The following CDKN2AIPNL variants were observed in gnomAD, a reference collection of about 807,000 sequenced individuals.
The protein encoded by CDKN2AIPNL is XRN2 binding domain containing 1.
In CDKN2AIPNL, 9 loss-of-function variants were observed where a neutral mutation model predicts 12.9. That is an observed-to-expected ratio of 0.70 (90% CI 0.42 to 1.22). The LOEUF is 1.22. CDKN2AIPNL is among the 50% of genes most tolerant of loss of function. The pLI is 0.00. For synonymous variants in CDKN2AIPNL, 53 were observed against 61.7 expected (o/e 0.86, Z 0.66); for missense variants, 143 against 153.6 (o/e 0.93, Z 0.37).
In CDKN2AIPNL at chr5:134,402,094, TTATTA is replaced by T. The variant is rs1194762987; in HGVS notation, c.*816_*820del. 1 of 151,784 alleles carries T rather than the reference TTATTA, an allele frequency of 6.6e-6. No individual in the cohort carries two copies. The highest frequency in any genetic ancestry group is 1.5e-5 in the Non-Finnish European group (1 of 68,000). 9.4% of individuals were successfully genotyped at this position (151,784 alleles called of 1,614,324 possible). On this transcript the variant is annotated 3_prime_UTR_variant, in exon 3 of 3. Transcript: ENST00000458198. ...ATCAACAACAAAAAGGCATTTTATT[TTATTA>T]TTTTTATTTTTTTTGAGACGGTGTT...
chr5:134,409,239 A>G (rs1374444485), intron 2 of CDKN2AIPNL, among the ~76,000 whole-genome samples: 1 of 152,240 alleles, frequency 6.6e-6, no homozygotes, highest in Non-Finnish European at 1.5e-5. Flanking sequence ...TCAGAAGATA[A>G]GCGAGCAATT....
At position 134,411,124 on chromosome 5, in the gene CDKN2AIPNL, C is replaced by T. The variant is rs749750624; in HGVS notation, c.239+492G>A. 1.0e-5 allele frequency: 7 copies of T among 702,384 alleles called. No homozygotes were observed. The African/African-American group carries it at 1.2e-4, about 12-fold the overall frequency. 43.5% of individuals were successfully genotyped at this position (702,384 alleles called of 1,614,324 possible). A position where few individuals can be genotyped will look rare whatever the true frequency, so the allele number is the denominator to read the frequency against. On this transcript the variant is annotated intron_variant, in intron 1 of 2. Coordinates refer to ENST00000458198, the MANE Select transcript of CDKN2AIPNL (RefSeq NM_080656.3). Reference sequence around the variant, plus strand: ...AAAAGCCATAGGATACAGATTACATCCTCTCATTAGTGATTAAAATCCATC... The same window carrying T: ...AAAAGCCATAGGATACAGATTACATTCTCTCATTAGTGATTAAAATCCATC...
chr5:134,403,031 C>G (rs1349568830), intron 2 of CDKN2AIPNL, 105 bp from the exon 3 acceptor site: 1 of 887,898 alleles, frequency 1.1e-6, no homozygotes, highest in Non-Finnish European at 1.7e-6. Flanking sequence ...TATGTACTAT[C>G]CAGACAGTAA....
chr5:134,406,604 A>G (rs998327965), intron 2 of CDKN2AIPNL, among the ~76,000 whole-genome samples: 2 of 152,188 alleles, frequency 1.3e-5, no homozygotes, highest in Non-Finnish European at 2.9e-5. Flanking sequence ...GCTTATCTGG[A>G]AGAGTCTTAA....
At chr5:134,408,721 A>C (rs1759145016) in intron 2 of CDKN2AIPNL, among the ~76,000 whole-genome samples, 1 of 152,032 alleles carries the variant, frequency 6.6e-6, no homozygotes, top group Non-Finnish European at 1.5e-5. Context: ...ACAAAAAAAC[A>C]GCTGATTTTA....
chr5:134,409,789 G>A (rs1241291223), intron 2 of CDKN2AIPNL, 114 bp downstream of exon 2: 2 of 626,056 alleles, frequency 3.2e-6, no homozygotes, highest in African/African-American at 1.8e-5. Context: ...AAGGGTATAG[G>A]TCTTTGGGGC....
chr5:134,411,417 G>A (rs1181058424), intron 1 of CDKN2AIPNL, among the ~76,000 whole-genome samples, 199 bp downstream of exon 1: 1 of 152,202 alleles, frequency 6.6e-6, no homozygotes, highest in Non-Finnish European at 1.5e-5. Flanking sequence ...TTTACCAGAA[G>A]AGAAAACTGA....
In CDKN2AIPNL at chr5:134,411,681, A is replaced by T. The variant is rs1759193887; in HGVS notation, c.174T>A (p.Ser58Arg). 2 of 1,612,978 alleles carry T rather than the reference A, an allele frequency of 1.2e-6. No homozygotes were observed. The highest frequency in any genetic ancestry group is 2.7e-5 in the African/African-American group (2 of 74,910). The change falls in exon 1 of 3, where the codon AGT becomes AGA. Residue 58 changes from serine to arginine, a missense_variant. Around this residue, in one of 3 missense-constraint regions of CDKN2AIPNL, gnomAD observed 111 missense variants for 111.4 expected, o/e 1.00. Coordinates refer to ENST00000458198, the MANE Select transcript of CDKN2AIPNL (RefSeq NM_080656.3). The part of the protein sequence containing the change: ...LPDYRDPPDG[S>R]GRLDQLLSLS... ...GGGAGAGCAGCTGGTCCAGGCGGCC[A>T]CTGCCGTCGGGCGGGTCGCGGTAGT...
rs1289352266 is a variant in CDKN2AIPNL at position 134,411,633 on chromosome 5, ATGGT to A, written c.218_221del (p.Asn73IlefsTer4). The stretch of plus-strand genomic sequence containing the variant: ...GTCCGCACCTGCAGCCTAGGAAGAG[ATGGT>A]TGGCCCAGACCATGGAGAGGGAGAG... On this transcript the variant is annotated frameshift_variant, in exon 1 of 3. Coordinates refer to ENST00000458198, the MANE Select transcript of CDKN2AIPNL (RefSeq NM_080656.3). LOFTEE classifies it high-confidence loss of function. The A allele has an allele frequency of 2.5e-6, 4 of 1,612,514 alleles. No homozygotes were observed. Among genetic ancestry groups the A allele is most frequent in the Non-Finnish European group, 3.4e-6 (4 of 1,179,664 alleles).
Position 134,402,898 on chromosome 5 carries a change from G to A in CDKN2AIPNL, c.*17C>T. The A allele has an allele frequency of 1.2e-6, 2 of 1,608,320 alleles. No individual in the cohort carries two copies. Among genetic ancestry groups the A allele is most frequent in the Admixed American group, 1.7e-5 (1 of 59,798 alleles). On this transcript the variant is annotated 3_prime_UTR_variant, in exon 3 of 3. Coordinates refer to ENST00000458198, the MANE Select transcript of CDKN2AIPNL (RefSeq NM_080656.3). ...TAATCCTGTAGCTGATGATGAAAAT[G>A]TGATAAATCTTCTGGCTTAGCTTTG...
In CDKN2AIPNL at chr5:134,402,765, C is replaced by T; in HGVS notation, c.*150G>A. 1 of 553,188 alleles carries T rather than the reference C, an allele frequency of 1.8e-6. No homozygotes were observed. Among genetic ancestry groups the T allele is most frequent in the South Asian group, 3.1e-5 (1 of 31,766 alleles). The allele number at this position is 553,188 out of a possible 1,614,324, so 34.3% of individuals were successfully genotyped here. A position where few individuals can be genotyped will look rare whatever the true frequency, so the allele number is the denominator to read the frequency against. On this transcript the variant is annotated 3_prime_UTR_variant, in exon 3 of 3. Transcript: ENST00000458198. ...GGGAAAATGAGAATGTTAAAAAAGCCAATCTAGACAGAGTCCTTCTCATTC... is the reference window on the plus strand; with the variant it reads ...GGGAAAATGAGAATGTTAAAAAAGCTAATCTAGACAGAGTCCTTCTCATTC...
intron 2 of CDKN2AIPNL, among the ~76,000 whole-genome samples, 154 bp downstream of exon 2, chr5:134,409,749 C>T (rs373854491): frequency 1.3e-5 from 2 of 152,122 alleles, no homozygotes; most frequent in African/African-American, 4.8e-5. Flanking sequence ...TATGAAAAGG[C>T]TTATACCAAT....
At chr5:134,409,527 T>G (rs1759159509) in intron 2 of CDKN2AIPNL, among the ~76,000 whole-genome samples, 1 of 152,080 alleles carries the variant, frequency 6.6e-6, no homozygotes, top group Middle Eastern at 3.2e-3. Flanking sequence ...ACAAGTCAGG[T>G]CGGCACTCAC....
chr5:134,406,067 A>T (rs942627348), intron 2 of CDKN2AIPNL, among the ~76,000 whole-genome samples: 1 of 152,212 alleles, frequency 6.6e-6, no homozygotes, highest in Non-Finnish European at 1.5e-5. Flanking sequence ...AAAAAAAATC[A>T]TATACTGCAA....
chr5:134,406,017 G>A (rs1024963823), intron 2 of CDKN2AIPNL, among the ~76,000 whole-genome samples: 2 of 152,058 alleles, frequency 1.3e-5, no homozygotes, highest in Non-Finnish European at 2.9e-5. Flanking sequence ...AATCAAGATT[G>A]TTTACTCAAT....
At chr5:134,408,353 T>TA (rs1759137417) in intron 2 of CDKN2AIPNL, among the ~76,000 whole-genome samples, 1 of 151,818 alleles carries the variant, frequency 6.6e-6, no homozygotes. Context: ...GCTCCCTGGC[T>TA]AAAAACAGTA....
At chr5:134,409,345 A>T (rs1469055923) in intron 2 of CDKN2AIPNL, among the ~76,000 whole-genome samples, 1 of 152,160 alleles carries the variant, frequency 6.6e-6, no homozygotes. Context: ...CCATATTCTG[A>T]GGTTCTTTCT....
intron 1 of CDKN2AIPNL, among the ~76,000 whole-genome samples, 161 bp downstream of exon 1, chr5:134,411,455 G>A (rs759548273): frequency 6.6e-6 from 1 of 152,148 alleles, no homozygotes; most frequent in Non-Finnish European, 1.5e-5. Flanking sequence ...CTTTCCAAGG[G>A]GCCTCCAGGG....
At chr5:134,409,828 C>CT in intron 2 of CDKN2AIPNL, 75 bp downstream of exon 2, 1 of 901,044 alleles carries the variant, frequency 1.1e-6, no homozygotes, top group East Asian at 2.4e-5. Flanking sequence ...ACAATATACT[C>CT]TAATATAGTG....
Sources: gnomAD v4.1 joint callset for allele counts (sites outside exome capture counted in the v4.1 genomes callset) on GRCh38, gnomAD v4.1.1 for gene constraint, gnomAD v4.1.1 regional missense constraint, MANE v1.5 for transcripts, NCBI Gene and HGNC (gene_info 2026-07-23, HGNC 2026-07-21) for gene names.